Variants in SLC13A5 observed in about 807,000 individuals in gnomAD.
The protein encoded by SLC13A5 is solute carrier family 13 member 5.
Under a neutral mutation model 56.5 loss-of-function variants are expected in SLC13A5, and 25 were observed. That is an observed-to-expected ratio of 0.44 (90% CI 0.32 to 0.62). SLC13A5 has a LOEUF of 0.62. Among genes scored for constraint, SLC13A5 ranks in the 20% least tolerant of loss-of-function variants. The pLI is 0.04. For missense variants in SLC13A5, 649 were observed against 737.8 expected (o/e 0.88, Z 1.39); for synonymous variants, 307 against 301.5 (o/e 1.02, Z -0.19).
chr17:6,689,129 A>G (rs1200015499), intron 10 of SLC13A5: 2 of 152,228 alleles, frequency 1.3e-5, no homozygotes, highest in Non-Finnish European at 2.9e-5. Context: ...ATATTCCCAG[A>G]CATGAAATTG....
At position 6,685,607 on chromosome 17, in the gene SLC13A5, G is replaced by A. The variant is rs2150960150; in HGVS notation, c.*600C>T. On this transcript the variant is annotated 3_prime_UTR_variant, in exon 12 of 12. Transcript: ENST00000433363. This position sits in a 1 kb window ranked among gnomAD's most constrained non-coding sequence, Gnocchi z 4.2. ...TGGCAACTCAGATTCCTCATCCTTT[G>A]GTGGTGGCCACAGGAGGAGTTCCCA... 1 of 154,292 alleles carries A rather than the reference G, an allele frequency of 6.5e-6. No homozygotes were observed. Among genetic ancestry groups the A allele is most frequent in the South Asian group, 2.0e-4 (1 of 4,940 alleles). The allele number at this position is 154,292 out of a possible 1,614,324, so 9.6% of individuals were successfully genotyped here.
intron 6 of SLC13A5, among the ~76,000 whole-genome samples, chr17:6,696,523 C>T (rs1272785971): frequency 2.0e-5 from 3 of 151,954 alleles, no homozygotes; most frequent in African/African-American, 4.8e-5. Context: ...CAGGATGGCA[C>T]CCCCATCCTG....
chr17:6,698,883 A>G lies in SLC13A5; in HGVS notation c.839+2121T>C, dbSNP rs368790593. 4.0e-5 allele frequency among the ~76,000 whole-genome samples: 6 copies of G among 151,870 alleles called. No homozygotes were observed. In the East Asian group the frequency reaches 1.2e-3, roughly 29 times the overall value. On this transcript the variant is annotated intron_variant, in intron 6 of 11. Transcript: ENST00000433363. ...CAAAACCCCATCTCTACTAAAAAAT[A>G]CAAAAATTAGCCAGGCATGGTGGTG...
At position 6,685,792 on chromosome 17, in the gene SLC13A5, T is replaced by TCGCCG; in HGVS notation, c.*414_*415insCGGCG. 1 of 172,268 alleles carries TCGCCG rather than the reference T, an allele frequency of 5.8e-6. No homozygotes were observed. The highest frequency in any genetic ancestry group is 1.3e-5 in the Non-Finnish European group (1 of 79,524). 10.7% of individuals were successfully genotyped at this position (172,268 alleles called of 1,614,324 possible). A position where few individuals can be genotyped will look rare whatever the true frequency, so the allele number is the denominator to read the frequency against. ...AAGGGACATGGGCACTGGTAGGTGG[T>TCGCCG]TGTCTTAGCTCTCAACCAGGGGATC... On this transcript the variant is annotated 3_prime_UTR_variant, in exon 12 of 12. Coordinates refer to ENST00000433363, the MANE Select transcript of SLC13A5 (RefSeq NM_177550.5). This position sits in a 1 kb window ranked among gnomAD's most constrained non-coding sequence, Gnocchi z 4.2.
chr17:6,694,202 G>A lies in SLC13A5; in HGVS notation c.1056-5C>T, dbSNP rs1597661291. ...ACAGTGGCATCGGAGACATACCTAG[G>A]TGGGGAAAAGCACAGCTCATCTGCG... On this transcript the variant is annotated splice_region_variant and splice_polypyrimidine_tract_variant and intron_variant, in intron 7 of 11. Coordinates refer to ENST00000433363, the MANE Select transcript of SLC13A5 (RefSeq NM_177550.5). 2 of 1,578,030 alleles carry A rather than the reference G, an allele frequency of 1.3e-6. No homozygotes were observed. Among genetic ancestry groups the A allele is most frequent in the Non-Finnish European group, 1.7e-6 (2 of 1,148,090 alleles).
chr17:6,690,641 T>C (rs1973380654), intron 10 of SLC13A5, 138 bp downstream of exon 10: 2 of 1,215,324 alleles, frequency 1.6e-6, no homozygotes, highest in Admixed American at 3.5e-5. Context: ...GGTCCACAAA[T>C]CCACGTCACA....
Position 6,685,525 on chromosome 17 carries a change from G to C in SLC13A5, c.*682C>G, listed in dbSNP as rs1315089413. 6.6e-6 allele frequency: 1 copy of C among 152,532 alleles called. No individual in the cohort carries two copies. Among genetic ancestry groups the C allele is most frequent in the African/African-American group, 2.4e-5 (1 of 41,462 alleles). 9.4% of individuals were successfully genotyped at this position (152,532 alleles called of 1,614,324 possible). A position where few individuals can be genotyped will look rare whatever the true frequency, so the allele number is the denominator to read the frequency against. On this transcript the variant is annotated 3_prime_UTR_variant, in exon 12 of 12. Transcript: ENST00000433363. The surrounding 1 kb of genome is among the most constrained non-coding windows in gnomAD (Gnocchi z 4.2). ...GATTAAAACAGAACCAAGTGATGAA[G>C]GGCGTAGGTTGGCCTGTGGTGCACT...
At position 6,690,952 on chromosome 17, in the gene SLC13A5, C is replaced by T; in HGVS notation, c.1276-12G>A. On this transcript the variant is annotated splice_polypyrimidine_tract_variant and intron_variant, in intron 9 of 11. Coordinates refer to ENST00000433363, the MANE Select transcript of SLC13A5 (RefSeq NM_177550.5). ...GACAGCCCCGAGGCCTGGGAAGCAC[C>T]AGGAGGGCAGTCATCTCAGCGCTCC... 2 of 1,592,322 alleles carry T rather than the reference C, an allele frequency of 1.3e-6. No individual in the cohort carries two copies. The highest frequency in any genetic ancestry group is 2.2e-5 in the East Asian group (1 of 44,626).
chr17:6,711,265 G>A lies in SLC13A5; in HGVS notation c.102+1967C>T, dbSNP rs948345825. Among the ~76,000 whole-genome samples, 1 of 152,096 alleles carries A rather than the reference G, an allele frequency of 6.6e-6. No homozygotes were observed. Among genetic ancestry groups the A allele is most frequent in the Non-Finnish European group, 1.5e-5 (1 of 68,006 alleles). On this transcript the variant is annotated intron_variant, in intron 1 of 11. Coordinates refer to ENST00000433363, the MANE Select transcript of SLC13A5 (RefSeq NM_177550.5). The surrounding 1 kb of genome is among the most constrained non-coding windows in gnomAD (Gnocchi z 4.0). Reference sequence around the variant, plus strand: ...GGTGGGGGCAGGGTGACCAAAACAGGCAGAAAGGGAAAAAACAAGAAGACA... The same window carrying A: ...GGTGGGGGCAGGGTGACCAAAACAGACAGAAAGGGAAAAAACAAGAAGACA...
At chr17:6,709,871 G>A (rs1405092990) in intron 1 of SLC13A5, among the ~76,000 whole-genome samples, 1 of 152,184 alleles carries the variant, frequency 6.6e-6, no homozygotes, top group Admixed American at 6.5e-5. Flanking sequence ...ATGCTTTGTT[G>A]TGGGAGCTGT....
At chr17:6,702,513 C>T (rs1222370165) in intron 5 of SLC13A5, among the ~76,000 whole-genome samples, 4 of 152,230 alleles carry the variant, frequency 2.6e-5, no homozygotes, top group Non-Finnish European at 4.4e-5. Context: ...ATGGGGCCAT[C>T]ACCATTAGCC....
chr17:6,687,346 G>T lies in SLC13A5; in HGVS notation c.1575+183C>A. 1.3e-6 allele frequency: 1 copy of T among 785,992 alleles called. No individual in the cohort carries two copies. Among genetic ancestry groups the T allele is most frequent in the Non-Finnish European group, 2.0e-6 (1 of 507,122 alleles). 48.7% of individuals were successfully genotyped at this position (785,992 alleles called of 1,614,324 possible). A position where few individuals can be genotyped will look rare whatever the true frequency, so the allele number is the denominator to read the frequency against. On this transcript the variant is annotated intron_variant, in intron 11 of 11. Transcript: ENST00000433363. This position sits in a 1 kb window ranked among gnomAD's most constrained non-coding sequence, Gnocchi z 5.0. Reference sequence around the variant, plus strand: ...AGAAAGAACAGTGTGTGAGGCTTGAGATCATCTCAGAAAAAGAAGAAAAGC... The same window carrying T: ...AGAAAGAACAGTGTGTGAGGCTTGATATCATCTCAGAAAAAGAAGAAAAGC...
chr17:6,686,201 C>T lies in SLC13A5; in HGVS notation c.*6G>A. The T allele has an allele frequency of 6.2e-7, 1 of 1,614,112 alleles. No individual in the cohort carries two copies. The highest frequency in any genetic ancestry group is 1.3e-5 in the African/African-American group (1 of 75,032). Reference sequence around the variant, plus strand: ...AAGGGCTGTGTGTGTGGTCTTGTGGCTCTTCCTAAGTCTCAATATGTGTCA... The same window carrying T: ...AAGGGCTGTGTGTGTGGTCTTGTGGTTCTTCCTAAGTCTCAATATGTGTCA... On this transcript the variant is annotated 3_prime_UTR_variant, in exon 12 of 12. Coordinates refer to ENST00000433363, the MANE Select transcript of SLC13A5 (RefSeq NM_177550.5).
At position 6,711,566 on chromosome 17, in the gene SLC13A5, T is replaced by C. The variant is rs1164125728; in HGVS notation, c.102+1666A>G. 2.1e-5 allele frequency among the ~76,000 whole-genome samples: 3 copies of C among 141,760 alleles called. No homozygotes were observed. Among genetic ancestry groups the C allele is most frequent in the Non-Finnish European group, 3.1e-5 (2 of 64,384 alleles). 93.0% of individuals were successfully genotyped at this position (141,760 alleles called of 152,430 possible). A position where few individuals can be genotyped will look rare whatever the true frequency, so the allele number is the denominator to read the frequency against. On this transcript the variant is annotated intron_variant, in intron 1 of 11. Coordinates refer to ENST00000433363, the MANE Select transcript of SLC13A5 (RefSeq NM_177550.5). The surrounding 1 kb of genome is among the most constrained non-coding windows in gnomAD (Gnocchi z 4.0). ...TTTGTGTGTGTGTTTGTGTGTGTGT[T>C]TGTGTGTCTGTGTTTGTGTGTTTGG...
In SLC13A5 at chr17:6,707,102, C is replaced by T; in HGVS notation, c.157G>A (p.Val53Ile). ...AGAGAGGTGACAGCCAGAGGGATGA[C>T]TTCTGTGCACCAGTAAATGGCCATG... ...ILMAIYWCTEVIPLAVTSLMP... is the reference protein window; with the variant it reads ...ILMAIYWCTEIIPLAVTSLMP... The change falls in exon 2 of 12, where the codon GTC becomes ATC. Residue 53 changes from valine (V) to isoleucine (I), a missense_variant. Transcript: ENST00000433363. 6.2e-7 allele frequency: 1 copy of T among 1,614,130 alleles called. No homozygotes were observed.
intron 1 of SLC13A5, among the ~76,000 whole-genome samples, chr17:6,710,683 C>T (rs903877535): frequency 1.3e-5 from 2 of 151,892 alleles, no homozygotes; most frequent in African/African-American, 4.8e-5. Flanking sequence ...GGATGGGAAG[C>T]GGATGTTAGA....
chr17:6,712,815 G>GGA (rs373640674), intron 1 of SLC13A5, among the ~76,000 whole-genome samples: 1 of 152,318 alleles, frequency 6.6e-6, no homozygotes, highest in South Asian at 2.1e-4. Context: ...GGAAAAGACA[G>GGA]GAGAGAGAGA....
In SLC13A5 at chr17:6,701,477, C is replaced by T. The variant is rs1359861763; in HGVS notation, c.717-351G>A. Among the ~76,000 whole-genome samples, 5 of 152,120 alleles carry T rather than the reference C, an allele frequency of 3.3e-5. No homozygotes were observed. Among genetic ancestry groups the T allele is most frequent in the African/African-American group, 1.2e-4 (5 of 41,424 alleles). On this transcript the variant is annotated intron_variant, in intron 5 of 11. Coordinates refer to ENST00000433363, the MANE Select transcript of SLC13A5 (RefSeq NM_177550.5). This position sits in a 1 kb window ranked among gnomAD's most constrained non-coding sequence, Gnocchi z 4.1. ...CTGTAATTCCAGGACTCTGGGAGGC[C>T]GAGGCAGGTGGGGCACAAGGTCAGG...
At position 6,690,845 on chromosome 17, in the gene SLC13A5, G is replaced by A. The variant is rs755054161; in HGVS notation, c.1371C>T (p.Ala457=). 8 of 1,614,118 alleles carry A rather than the reference G, an allele frequency of 5.0e-6. No individual in the cohort carries two copies. The highest frequency in any genetic ancestry group is 1.6e-4 in the Middle Eastern group (1 of 6,082). ...CGTTGCTTGTGCACTCAGTGAACACGGCAACGAGCAAGGACAAGATCAAGG... is the reference window on the plus strand; with the variant it reads ...CGTTGCTTGTGCACTCAGTGAACACAGCAACGAGCAAGGACAAGATCAAGG... ...AITLILSLLV[A]VFTECTSNVA... Residue 457 remains alanine (A), a synonymous_variant, in exon 10 of 12, where the codon GCC becomes GCT. Coordinates refer to ENST00000433363, the MANE Select transcript of SLC13A5 (RefSeq NM_177550.5).
Sources: allele counts gnomAD v4.1 joint callset (sites outside exome capture counted in the v4.1 genomes callset), GRCh38; gene constraint gnomAD v4.1.1; non-coding constraint Gnocchi (gnomAD v3.1); transcripts MANE v1.5; gene names NCBI Gene and HGNC (gene_info 2026-07-23, HGNC 2026-07-21).